Variants in GARIN1B observed in about 807,000 individuals in gnomAD.
GARIN1B encodes the protein Golgi-associated RAB2 interactor protein 1B.
chr7:128,721,867 G>T, the GARIN1B span, among the ~76,000 whole-genome samples: 3 of 151,892 alleles, frequency 2.0e-5, no homozygotes, highest in African/African-American at 7.3e-5. Flanking sequence ...TGATTATGTG[G>T]TTTGTCCTTC....
chr7:128,713,308 A>G, the GARIN1B span, among the ~76,000 whole-genome samples: 5 of 152,338 alleles, frequency 3.3e-5, no homozygotes, highest in African/African-American at 1.2e-4. Context: ...CCTTATTTCA[A>G]AAAGAAAAAA....
At chr7:128,727,208 C>T in the GARIN1B span, among the ~76,000 whole-genome samples, 1 of 152,226 alleles carries the variant, frequency 6.6e-6, no homozygotes, top group Non-Finnish European at 1.5e-5. Context: ...GCACTGAGTG[C>T]CAGTTACTGT....
chr7:128,714,597 A>T, the GARIN1B span, among the ~76,000 whole-genome samples: 1 of 150,814 alleles, frequency 6.6e-6, no homozygotes, highest in African/African-American at 2.4e-5. Context: ...AAAAAAATTT[A>T]GAATTTGGTC....
chr7:128,714,035 G>C, the GARIN1B span: 1 of 1,535,100 alleles, frequency 6.5e-7, no homozygotes, highest in South Asian at 1.2e-5. Flanking sequence ...TGAGAAAAGT[G>C]AGGTTGGAAG....
At chr7:128,717,208 G>C in the GARIN1B span, among the ~76,000 whole-genome samples, 2 of 152,156 alleles carry the variant, frequency 1.3e-5, no homozygotes, top group African/African-American at 4.8e-5. Context: ...ACAGGAGTCA[G>C]GGGCTAGTCT....
the GARIN1B span, chr7:128,717,021 A>G: frequency 1.3e-6 from 2 of 1,576,502 alleles, no homozygotes; most frequent in Non-Finnish European, 1.7e-6. Flanking sequence ...ATGAGAATGG[A>G]GGACAAGAGG....
At chr7:128,729,829 C>A in the GARIN1B span, 82 of 1,516,268 alleles carry the variant, frequency 5.4e-5, no homozygotes, top group Non-Finnish European at 7.1e-5. Flanking sequence ...AGCACCCCCC[C>A]AAATGTCAGC....
the GARIN1B span, among the ~76,000 whole-genome samples, chr7:128,725,465 G>A: frequency 1.3e-5 from 2 of 151,940 alleles, no homozygotes; most frequent in Admixed American, 6.6e-5. Flanking sequence ...TCTGCCTCTC[G>A]GGTTCAAGCG....
chr7:128,712,262 G>A, the GARIN1B span, among the ~76,000 whole-genome samples: 13 of 152,154 alleles, frequency 8.5e-5, no homozygotes, highest in Non-Finnish European at 1.2e-4. Context: ...TCATACTTTT[G>A]TAGGGGTTTT....
At chr7:128,719,686 GT>G in the GARIN1B span, among the ~76,000 whole-genome samples, 1 of 125,750 alleles carries the variant, frequency 8.0e-6, no homozygotes, top group Non-Finnish European at 1.7e-5. Context: ...AGTTTTTTTT[GT>G]TTTGTTTTGC....
At chr7:128,724,080 G>A in the GARIN1B span, among the ~76,000 whole-genome samples, 4 of 152,100 alleles carry the variant, frequency 2.6e-5, no homozygotes, top group South Asian at 2.1e-4. Flanking sequence ...GCACAGTCTC[G>A]GCTCACTGCA....
At chr7:128,718,828 C>G in the GARIN1B span, 1 of 1,612,544 alleles carries the variant, frequency 6.2e-7, no homozygotes, top group South Asian at 1.1e-5. Context: ...CTGGTGGCTT[C>G]AGGATTCTCC....
At chr7:128,712,413 A>G in the GARIN1B span, among the ~76,000 whole-genome samples, 1 of 152,172 alleles carries the variant, frequency 6.6e-6, no homozygotes, top group Non-Finnish European at 1.5e-5. Context: ...ACCACCATCC[A>G]TCTCCAGAAC....
chr7:128,715,801 G>A, the GARIN1B span: 1 of 1,003,096 alleles, frequency 1.0e-6, no homozygotes, highest in Non-Finnish European at 1.5e-6. Context: ...ATTGAGGCAA[G>A]GAGAAGCTAG....
At chr7:128,714,087 G>T in the GARIN1B span, 1 of 1,535,934 alleles carries the variant, frequency 6.5e-7, no homozygotes, top group Admixed American at 2.0e-5. Context: ...GCTGGAGCAG[G>T]GGTGTGATCT....
the GARIN1B span, among the ~76,000 whole-genome samples, chr7:128,716,350 C>T: frequency 6.6e-6 from 1 of 152,128 alleles, no homozygotes; most frequent in South Asian, 2.1e-4. Flanking sequence ...GATAATAGGG[C>T]ACCTCGGGGA....
chr7:128,710,514 C>G, the GARIN1B span, among the ~76,000 whole-genome samples: 1 of 152,154 alleles, frequency 6.6e-6, no homozygotes, highest in African/African-American at 2.4e-5. Context: ...CAGTTCATCT[C>G]TCTCCCCAGC....
At chr7:128,715,096 G>A in the GARIN1B span, 1 of 193,706 alleles carries the variant, frequency 5.2e-6, no homozygotes, top group African/African-American at 2.4e-5. Context: ...AAGGCAGGAA[G>A]GGCATTTTCC....
the GARIN1B span, among the ~76,000 whole-genome samples, chr7:128,716,620 T>C: frequency 6.6e-6 from 1 of 152,168 alleles, no homozygotes; most frequent in Non-Finnish European, 1.5e-5. Context: ...ATTTGGCTGG[T>C]AGTGCTACTA....
Sources: allele counts gnomAD v4.1 joint callset (sites outside exome capture counted in the v4.1 genomes callset), GRCh38; gene constraint gnomAD v4.1.1; transcripts MANE v1.5; gene names NCBI Gene and HGNC (gene_info 2026-07-23, HGNC 2026-07-21).